Variants in HMX1 observed in about 807,000 individuals in gnomAD.
The protein encoded by HMX1 is H6 family homeobox 1, also known as homeobox protein HMX1.
HMX1 carries 8 observed loss-of-function variants against 8.9 expected under a neutral mutation model. The observed-to-expected ratio is 0.90, with a 90% confidence interval of 0.53 to 1.63. The LOEUF is 1.63. Ranked by LOEUF, HMX1 falls within the 40% of genes most tolerant of loss-of-function variation. HMX1 has a pLI of 0.00. For synonymous variants in HMX1, 311 were observed against 283.4 expected (o/e 1.10, Z -0.98); for missense variants, 621 against 558.5 (o/e 1.11, Z -1.13).
rs148608501 is a variant in HMX1, at chr4:8,848,010, G to A, written c.395-1686C>T. ...GGGTGACATCTGAGCTCAGCGAACC[G>A]AATTTTGAATCTAAAACTCGACACT... On this transcript the variant is annotated intron_variant, in intron 1 of 1. Transcript: ENST00000506970. This position sits in a 1 kb window ranked among gnomAD's most constrained non-coding sequence, Gnocchi z 4.1. 1.5e-3 allele frequency among the ~76,000 whole-genome samples: 225 copies of A among 152,220 alleles called. 1 individual carries two copies. Among genetic ancestry groups the A allele is most frequent in the African/African-American group, 5.2e-3 (215 of 41,542 alleles).
At chr4:8,865,315 C>G (rs1721960211), downstream of HMX1, among the ~76,000 whole-genome samples, 1 of 152,236 alleles carries the variant, frequency 6.6e-6, no homozygotes, top group African/African-American at 2.4e-5. Context: ...TCAATGACCC[C>G]CTTCTAATAG....
downstream of HMX1, among the ~76,000 whole-genome samples, chr4:8,866,480 C>T (rs941143604): frequency 6.6e-6 from 1 of 152,366 alleles, no homozygotes; most frequent in East Asian, 1.9e-4. Context: ...GGGGTGGCCC[C>T]AGTGGCCCAG....
chr4:8,848,806 GT>G lies in HMX1; in HGVS notation c.395-2483del, dbSNP rs1015657016. 1.3e-5 allele frequency among the ~76,000 whole-genome samples: 2 copies of G among 152,228 alleles called. No individual in the cohort carries two copies. The highest frequency in any genetic ancestry group is 2.9e-5 in the Non-Finnish European group (2 of 68,040). ...GGAGACATCATAAGGGCTTTTCCTGGTTGGTGAAGACCACAGGCTGCTGCCC... is the reference window on the plus strand; with the variant it reads ...GGAGACATCATAAGGGCTTTTCCTGGTGGTGAAGACCACAGGCTGCTGCCC... On this transcript the variant is annotated intron_variant, in intron 1 of 1. Transcript: ENST00000506970. The surrounding 1 kb of genome is among the most constrained non-coding windows in gnomAD (Gnocchi z 4.1).
intron 1 of HMX1, among the ~76,000 whole-genome samples, chr4:8,855,380 C>T (rs1721579168): frequency 6.6e-6 from 1 of 152,240 alleles, no homozygotes. Context: ...ATCTTGTCCC[C>T]AAGGAGCTCA....
chr4:8,863,139 TG>T (rs1721884607), downstream of HMX1, among the ~76,000 whole-genome samples: 1 of 152,104 alleles, frequency 6.6e-6, no homozygotes, highest in Non-Finnish European at 1.5e-5. Flanking sequence ...ATGAAGCATA[TG>T]AGTGCACAGG....
rs536989067 is a variant in HMX1 at position 8,858,197 on chromosome 4, G to A, written c.395-11873C>T. ...AAACAAACCCAAATCAAATGAGCGAGGCCCGGATGTGCTGACGCTGCGGTT... is the reference window on the plus strand; with the variant it reads ...AAACAAACCCAAATCAAATGAGCGAAGCCCGGATGTGCTGACGCTGCGGTT... On this transcript the variant is annotated intron_variant, in intron 1 of 1. Transcript: ENST00000506970. Among the ~76,000 whole-genome samples the A allele has an allele frequency of 9.9e-5, 15 of 152,146 alleles. 1 individual carries two copies. Among genetic ancestry groups the A allele is most frequent in the Non-Finnish European group, 2.1e-4 (14 of 68,034 alleles).
At chr4:8,857,091 C>T (rs1373070883) in intron 1 of HMX1, among the ~76,000 whole-genome samples, 1 of 152,168 alleles carries the variant, frequency 6.6e-6, no homozygotes, top group Admixed American at 6.5e-5. Flanking sequence ...AATAACAAAC[C>T]GAAACTCTGG....
chr4:8,859,577 G>C (rs1184277126), intron 1 of HMX1, among the ~76,000 whole-genome samples: 1 of 152,118 alleles, frequency 6.6e-6, no homozygotes, highest in Non-Finnish European at 1.5e-5. Flanking sequence ...CGAGACCTCC[G>C]GAGCTGACAC....
Position 8,868,216 on chromosome 4 carries a change from C to A in HMX1, c.524G>T (p.Gly175Val). ...AELAARGPAA[G>V]TEEASELAEV... ...GGCCAGCTCCGACGCCTCCTCCGTGCCGGCCGCCGGGCCACGCGCCGCCAG... is the reference window on the plus strand; with the variant it reads ...GGCCAGCTCCGACGCCTCCTCCGTGACGGCCGCCGGGCCACGCGCCGCCAG... The change falls in exon 2 of 2, where the codon GGC becomes GTC. Residue 175 changes from glycine to valine, a missense_variant. By Grantham distance (109) the Gly-to-Val change is moderately radical (BLOSUM62 -3). Coordinates refer to ENST00000400677, the MANE Select transcript of HMX1 (RefSeq NM_018942.3). The surrounding 1 kb of genome is among the most constrained non-coding windows in gnomAD (Gnocchi z 4.6). 1.4e-6 allele frequency: 2 copies of A among 1,447,760 alleles called. No homozygotes were observed. Among genetic ancestry groups the A allele is most frequent in the Non-Finnish European group, 1.8e-6 (2 of 1,105,378 alleles). The allele number at this position is 1,447,760 out of a possible 1,614,324, so 89.7% of individuals were successfully genotyped here.
rs1271957947 is a variant in HMX1, at chr4:8,867,257, G to A, written c.*436C>T. ...GGCCGGCCTGCTGTCTGGGTCCCAG[G>A]AAAGGGACGTTTAGTGTTGGGGGCA... On this transcript the variant is annotated 3_prime_UTR_variant, in exon 2 of 2. Coordinates refer to ENST00000400677, the MANE Select transcript of HMX1 (RefSeq NM_018942.3). 1 of 986,294 alleles carries A rather than the reference G, an allele frequency of 1.0e-6. No homozygotes were observed. The highest frequency in any genetic ancestry group is 1.7e-5 in the African/African-American group (1 of 57,292). The allele number at this position is 986,294 out of a possible 1,614,324, so 61.1% of individuals were successfully genotyped here.
Position 8,871,510 on chromosome 4 carries a change from C to T in HMX1, c.105G>A (p.Ala35=), listed in dbSNP as rs1185351392. ...CCTCCCGGCTGCCGTCGCCCTGGGT[C>T]GCGCGCCCTGCGCCCTTGGCCTCGG... ...LAAEAKGAGR[A]TQGDGSREDE... The change falls in exon 1 of 2, where the codon GCG becomes GCA. Residue 35 remains alanine, a synonymous_variant. Transcript: ENST00000400677. This position sits in a 1 kb window ranked among gnomAD's most constrained non-coding sequence, Gnocchi z 4.8. 5.2e-5 allele frequency: 70 copies of T among 1,339,374 alleles called. No individual in the cohort carries two copies. The highest frequency in any genetic ancestry group is 6.5e-5 in the Non-Finnish European group (68 of 1,045,112). The allele number at this position is 1,339,374 out of a possible 1,614,324, so 83.0% of individuals were successfully genotyped here. A position where few individuals can be genotyped will look rare whatever the true frequency, so the allele number is the denominator to read the frequency against.
Position 8,867,709 on chromosome 4 carries a change from A to G in HMX1, c.1031T>C (p.Met344Thr). The part of the protein sequence containing the change: ...AASVPFLRAQ[M>T]PGLV ...AGGCGGGGCTCACACCAGGCCAGGC[A>G]TCTGCGCCCGCAGAAAGGGCACGGA... The change falls in exon 2 of 2, where the codon ATG becomes ACG. Residue 344 changes from methionine to threonine, a missense_variant. Coordinates refer to ENST00000400677, the MANE Select transcript of HMX1 (RefSeq NM_018942.3). 7.8e-7 allele frequency: 1 copy of G among 1,276,604 alleles called. No individual in the cohort carries two copies. The highest frequency in any genetic ancestry group is 9.8e-7 in the Non-Finnish European group (1 of 1,015,576). The allele number at this position is 1,276,604 out of a possible 1,614,324, so 79.1% of individuals were successfully genotyped here.
intron 1 of HMX1, among the ~76,000 whole-genome samples, chr4:8,859,831 A>C (rs1721737177): frequency 6.6e-6 from 1 of 152,236 alleles, no homozygotes; most frequent in Non-Finnish European, 1.5e-5. Flanking sequence ...CGGCCCGAAG[A>C]AAGCTTCCAG....
downstream of HMX1, chr4:8,866,975 TGCTCCCAGGA>T: frequency 1.4e-6 from 1 of 727,934 alleles, no homozygotes; most frequent in Non-Finnish European, 1.7e-6. Context: ...CACTGAAAGG[TGCTCCCAGGA>T]GGGACGGCAC....
intron 1 of HMX1, among the ~76,000 whole-genome samples, chr4:8,851,714 C>T (rs145257525): frequency 1.8e-3 from 268 of 152,334 alleles, no homozygotes; most frequent in Non-Finnish European, 2.9e-3. Context: ...CTGGGCCTCT[C>T]GGGGCCTCCA....
At position 8,847,497 on chromosome 4, in the gene HMX1, G is replaced by A. The variant is rs544873384; in HGVS notation, c.395-1173C>T. On this transcript the variant is annotated intron_variant, in intron 1 of 1. Transcript: ENST00000506970. This position sits in a 1 kb window ranked among gnomAD's most constrained non-coding sequence, Gnocchi z 6.0. ...CGGAAGCCACTGAGCCCTGCTCTTC[G>A]GAAGATGCTGGGCCGGGCACAACTC... Among the ~76,000 whole-genome samples, 24 of 152,296 alleles carry A rather than the reference G, an allele frequency of 1.6e-4. No homozygotes were observed. The highest frequency in any genetic ancestry group is 5.3e-4 in the African/African-American group (22 of 41,564).
chr4:8,868,353 G>A lies in HMX1; in HGVS notation c.395-8C>T. ...GTGAGTCCCGGTCGCTGGCTGCAGG[G>A]GAGAGAGGGCACCACCGTTGGTTCT... On this transcript the variant is annotated splice_region_variant and splice_polypyrimidine_tract_variant and intron_variant, in intron 1 of 1. Coordinates refer to ENST00000400677, the MANE Select transcript of HMX1 (RefSeq NM_018942.3). This position sits in a 1 kb window ranked among gnomAD's most constrained non-coding sequence, Gnocchi z 4.6. 1.5e-6 allele frequency: 2 copies of A among 1,365,290 alleles called. No individual in the cohort carries two copies. The highest frequency in any genetic ancestry group is 1.9e-6 in the Non-Finnish European group (2 of 1,067,340). The allele number at this position is 1,365,290 out of a possible 1,614,324, so 84.6% of individuals were successfully genotyped here.
chr4:8,854,715 T>C (rs1310621825), intron 1 of HMX1, among the ~76,000 whole-genome samples: 1 of 152,248 alleles, frequency 6.6e-6, no homozygotes, highest in Non-Finnish European at 1.5e-5. Context: ...TATCTAACTA[T>C]TCTATTGATT....
chr4:8,846,922 C>A (rs1401708001), intron 1 of HMX1, among the ~76,000 whole-genome samples: 1 of 152,202 alleles, frequency 6.6e-6, no homozygotes, highest in African/African-American at 2.4e-5. Flanking sequence ...TTCTTTTTAG[C>A]CCACATTTTA....
Sources: gnomAD v4.1 joint callset for allele counts (sites outside exome capture counted in the v4.1 genomes callset) on GRCh38, gnomAD v4.1.1 for gene constraint, Gnocchi (gnomAD v3.1) non-coding constraint, MANE v1.5 for transcripts, NCBI Gene and HGNC (gene_info 2026-07-23, HGNC 2026-07-21) for gene names.